Variants in CUEDC1 observed in about 807,000 individuals in gnomAD.
CUEDC1 encodes the protein CUE domain-containing protein 1.
CUEDC1 carries 30 observed loss-of-function variants against 43.7 expected under a neutral mutation model. The ratio of observed to expected loss-of-function variants is 0.69; its 90% CI spans 0.51 to 0.93. The LOEUF (loss-of-function observed/expected upper bound fraction) is 0.93. Ranked by LOEUF, CUEDC1 falls within the 40% of genes least tolerant of loss-of-function variation. The pLI is 0.00. For synonymous variants in CUEDC1, 223 were observed against 223.6 expected, an observed-to-expected ratio of 1.00 and a Z score of 0.02; for missense variants, 486 against 549.0, an observed-to-expected ratio of 0.89 and a Z score of 1.15.
intron 1 of CUEDC1, among the ~76,000 whole-genome samples, chr17:57,913,380 C>T (rs2074604798): frequency 6.6e-6 from 1 of 151,944 alleles, no homozygotes; most frequent in Non-Finnish European, 1.5e-5. Context: ...CCAGACTTAT[C>T]TCCATCTCCT....
intron 1 of CUEDC1, among the ~76,000 whole-genome samples, chr17:57,935,378 G>GACCCACACACAC (rs2074849876): frequency 7.0e-6 from 1 of 142,088 alleles, no homozygotes; most frequent in Non-Finnish European, 1.5e-5. Flanking sequence ...CCTTCCATTA[G>GACCCACACACAC]ACACACACAC....
chr17:57,918,628 C>T (rs146406373), intron 1 of CUEDC1, among the ~76,000 whole-genome samples: 94 of 152,300 alleles, frequency 6.2e-4, no homozygotes, highest in African/African-American at 2.1e-3. Flanking sequence ...AAAGAGGAGT[C>T]AGAGTTTTTC....
intron 3 of CUEDC1, among the ~76,000 whole-genome samples, chr17:57,874,693 G>A (rs1427667446): frequency 1.3e-5 from 2 of 152,238 alleles, no homozygotes; most frequent in African/African-American, 2.4e-5. Context: ...TGAGAAGGCA[G>A]CCGAGGGCCG....
intron 4 of CUEDC1, among the ~76,000 whole-genome samples, chr17:57,873,172 C>T (rs2074060219): frequency 6.6e-6 from 1 of 152,230 alleles, no homozygotes. Context: ...AATTCCCAAA[C>T]TCAACCCTCT....
At chr17:57,929,687 T>C (rs1199746475) in intron 1 of CUEDC1, among the ~76,000 whole-genome samples, 1 of 152,162 alleles carries the variant, frequency 6.6e-6, no homozygotes, top group Non-Finnish European at 1.5e-5. Flanking sequence ...AAGCACTGTT[T>C]TAAAGCACTG....
chr17:57,873,429 G>C (rs558676421), intron 4 of CUEDC1, among the ~76,000 whole-genome samples, 162 bp downstream of exon 4: 2 of 152,226 alleles, frequency 1.3e-5, no homozygotes, highest in East Asian at 3.9e-4. Flanking sequence ...CAGGAAGTGA[G>C]GCTTTCAGTT....
chr17:57,952,054 C>T (rs1000167450), intron 1 of CUEDC1, among the ~76,000 whole-genome samples: 2 of 152,142 alleles, frequency 1.3e-5, no homozygotes, highest in African/African-American at 2.4e-5. Context: ...AGGGCCACAG[C>T]ATGACTGAGA....
At chr17:57,897,075 C>A (rs137972541) in intron 1 of CUEDC1, among the ~76,000 whole-genome samples, 3,691 of 151,922 alleles carry the variant, frequency 0.024, 73 homozygotes, top group Non-Finnish European at 0.031. Context: ...CTGGCCATGT[C>A]TTTTGCATAT....
intron 1 of CUEDC1, among the ~76,000 whole-genome samples, chr17:57,937,638 A>G (rs925023258): frequency 6.6e-6 from 1 of 151,882 alleles, no homozygotes; most frequent in Non-Finnish European, 1.5e-5. Flanking sequence ...AAAGAAAAAA[A>G]TCTGCCTAGA....
In CUEDC1 at chr17:57,865,152, G is replaced by A. The variant is rs372754402; in HGVS notation, c.*3+1322C>T. ...GACCCGTTCTCCCTGGGGACCAGTA[G>A]GAAGGAGAAGGGCGTGGAGATAGTA... On this transcript the variant is annotated intron_variant, in intron 10 of 10. Coordinates refer to ENST00000577830, the MANE Select transcript of CUEDC1 (RefSeq NM_001271875.2). 9.2e-5 allele frequency among the ~76,000 whole-genome samples: 14 copies of A among 152,370 alleles called. No individual in the cohort carries two copies. In the East Asian group the frequency reaches 1.9e-3, roughly 21 times the overall value.
At chr17:57,873,159 G>A (rs2074060146) in intron 4 of CUEDC1, among the ~76,000 whole-genome samples, 1 of 152,152 alleles carries the variant, frequency 6.6e-6, no homozygotes, top group Admixed American at 6.5e-5. Flanking sequence ...CAGCCTATAC[G>A]TCAATTCCCA....
intron 1 of CUEDC1, among the ~76,000 whole-genome samples, chr17:57,946,816 A>G (rs902666168): frequency 1.3e-5 from 2 of 152,094 alleles, no homozygotes; most frequent in Admixed American, 1.3e-4. Flanking sequence ...CCTCCTGCTC[A>G]TCATCACCAG....
At position 57,885,234 on chromosome 17, in the gene CUEDC1, G is replaced by A. The variant is rs760521916; in HGVS notation, c.331C>T (p.Pro111Ser). The A allele has an allele frequency of 1.9e-6, 3 of 1,574,450 alleles. No homozygotes were observed. Among genetic ancestry groups the A allele is most frequent in the South Asian group, 1.2e-5 (1 of 85,670 alleles). ...DSSDSEDSIPPEILERTLEPD... is the reference protein window; with the variant it reads ...DSSDSEDSIPSEILERTLEPD... The stretch of plus-strand genomic sequence containing the variant: ...TACCCGGGCTGCGCCCCTACCTCCG[G>A]GGGGATGCTGTCCTCCGAGTCGGAG... Residue 111 changes from proline to serine, a missense_variant, in exon 2 of 11, where the codon CCG (proline) becomes TCG (serine). Coordinates refer to ENST00000577830, the MANE Select transcript of CUEDC1 (RefSeq NM_001271875.2).
At position 57,868,369 on chromosome 17, in the gene CUEDC1, G is replaced by T. The variant is rs1012898619; in HGVS notation, c.941-126C>A. On this transcript the variant is annotated intron_variant, in intron 7 of 10. Transcript: ENST00000577830. Reference sequence around the variant, plus strand: ...GGAGAGGGAGCAGGGGGCAGGCAAGGGTGGGAGCTGAGGAGGGAGAGATGA... The same window carrying T: ...GGAGAGGGAGCAGGGGGCAGGCAAGTGTGGGAGCTGAGGAGGGAGAGATGA... The T allele has an allele frequency of 1.1e-4, 87 of 791,390 alleles. No individual in the cohort carries two copies. The East Asian group carries it at 2.2e-3, about 20-fold the overall frequency. 49.0% of individuals were successfully genotyped at this position (791,390 alleles called of 1,614,324 possible).
At position 57,930,260 on chromosome 17, in the gene CUEDC1, A is replaced by T. The variant is rs1318132364; in HGVS notation, c.-316+24965T>A. Among the ~76,000 whole-genome samples, 3 of 152,212 alleles carry T rather than the reference A, an allele frequency of 2.0e-5. No homozygotes were observed. The highest frequency in any genetic ancestry group is 6.5e-5 in the Admixed American group (1 of 15,284). Reference sequence around the variant, plus strand: ...CCTGACTTTGGGTAGCAAGTCTCCAACTGCACAAGCAGACCAGAGCCAACG... The same window carrying T: ...CCTGACTTTGGGTAGCAAGTCTCCATCTGCACAAGCAGACCAGAGCCAACG... On this transcript the variant is annotated intron_variant, in intron 1 of 10. Transcript: ENST00000577830. This position sits in a 1 kb window ranked among gnomAD's most constrained non-coding sequence, Gnocchi z 4.2.
At chr17:57,887,655 C>CTTTTTTTTTTTTTTTTTTTTTTTTT in intron 1 of CUEDC1, among the ~76,000 whole-genome samples, 5 of 58,032 alleles carry the variant, frequency 8.6e-5, no homozygotes, top group Admixed American at 5.4e-4. Context: ...CCACGCCTGG[C>CTTTTTTTTTTTTTTTTTTTTTTTTT]TTTTTTTTTT....
intron 1 of CUEDC1, among the ~76,000 whole-genome samples, chr17:57,941,747 G>A (rs1040800692): frequency 2.6e-5 from 4 of 152,176 alleles, no homozygotes; most frequent in African/African-American, 9.7e-5. Flanking sequence ...GACAATAATC[G>A]CTGGCTCCTA....
At position 57,946,818 on chromosome 17, in the gene CUEDC1, C is replaced by T. The variant is rs1248272452; in HGVS notation, c.-316+8407G>A. On this transcript the variant is annotated intron_variant, in intron 1 of 10. Coordinates refer to ENST00000577830, the MANE Select transcript of CUEDC1 (RefSeq NM_001271875.2). ...TCTTCATACGCTCCCTCCTGCTCAT[C>T]ATCACCAGCCCGGTCTCTGGACACA... Among the ~76,000 whole-genome samples, 4 of 152,182 alleles carry T rather than the reference C, an allele frequency of 2.6e-5. No homozygotes were observed. The East Asian group carries it at 5.8e-4, about 22-fold the overall frequency.
intron 7 of CUEDC1, among the ~76,000 whole-genome samples, 163 bp downstream of exon 7, chr17:57,868,959 A>G (rs577505453): frequency 6.6e-6 from 1 of 152,356 alleles, no homozygotes; most frequent in Non-Finnish European, 1.5e-5. Flanking sequence ...TGTAGAGGGA[A>G]GTGAGGCAGG....
Sources: allele counts gnomAD v4.1 joint callset (sites outside exome capture counted in the v4.1 genomes callset), GRCh38; gene constraint gnomAD v4.1.1; non-coding constraint Gnocchi (gnomAD v3.1); transcripts MANE v1.5; gene names NCBI Gene and HGNC (gene_info 2026-07-23, HGNC 2026-07-21).